The following ARFGEF1 variants were observed in gnomAD, a reference collection of about 807,000 sequenced individuals.
ARFGEF1 encodes the protein brefeldin A-inhibited guanine nucleotide-exchange protein 1.
A neutral mutation model predicts 231.0 loss-of-function variants in ARFGEF1; 42 were observed. The observed-to-expected ratio is 0.18, with a 90% CI of 0.14 to 0.24. The LOEUF is 0.24. ARFGEF1 is among the 10% of genes least tolerant of loss of function. ARFGEF1 has a pLI of 1.00. For missense variants in ARFGEF1, 1,345 were observed against 2,192.0 expected, an observed-to-expected ratio of 0.61 and a Z score of 7.72; for synonymous variants, 710 against 732.3, an observed-to-expected ratio of 0.97 and a Z score of 0.49.
rs1388444328 is a variant in ARFGEF1, at chr8:67,240,374, TG to T, written c.2851-85del. 5 of 1,271,914 alleles carry T rather than the reference TG, an allele frequency of 3.9e-6. No homozygotes were observed. In the African/African-American group the frequency reaches 7.6e-5, roughly 19 times the overall value. The allele number at this position is 1,271,914 out of a possible 1,614,324, so 78.8% of individuals were successfully genotyped here. ...CAAATCTTTTAGACAATACAAGTTCTGAAAAAAAGAAATGAAATTCTTGGCA... is the reference window on the plus strand; with the variant it reads ...CAAATCTTTTAGACAATACAAGTTCTAAAAAAAGAAATGAAATTCTTGGCA... On this transcript the variant is annotated intron_variant, in intron 19 of 38. Transcript: ENST00000262215.
chr8:67,330,396 A>G (rs1178389559), intron 1 of ARFGEF1, among the ~76,000 whole-genome samples: 4 of 152,158 alleles, frequency 2.6e-5, no homozygotes, highest in Non-Finnish European at 5.9e-5. Context: ...GGAATCTTCT[A>G]TAACAGTCAT....
rs77605771 is a variant in ARFGEF1, at chr8:67,209,023, T to G, written c.4819+2460A>C. Among the ~76,000 whole-genome samples, 388 of 152,340 alleles carry G rather than the reference T, an allele frequency of 2.5e-3. 2 individuals carry two copies. Among genetic ancestry groups the G allele is most frequent in the South Asian group, 4.6e-3 (22 of 4,828 alleles). The stretch of plus-strand genomic sequence containing the variant: ...GGTGCAGCCACTGGCTATAGAAAAT[T>G]GCTTGGTGGTTCCTCAAGAAGTTAA... On this transcript the variant is annotated intron_variant, in intron 34 of 38. Coordinates refer to ENST00000262215, the MANE Select transcript of ARFGEF1 (RefSeq NM_006421.5).
In ARFGEF1 at chr8:67,226,108, G is replaced by A. The variant is rs767341513; in HGVS notation, c.3992C>T (p.Ala1331Val). 1.6e-5 allele frequency: 26 copies of A among 1,612,726 alleles called. No individual in the cohort carries two copies. Among genetic ancestry groups the A allele is most frequent in the Admixed American group, 3.3e-5 (2 of 59,848 alleles). ...QDAVKCLSEF[A>V]CNAAFPDTSM... ...TGTGTCTGGGAAAGCTGCATTGCAC[G>A]CAAATTCAGACAAACACTTCACTGC... The change falls in exon 28 of 39, where the codon GCG (alanine) becomes GTG (valine). Residue 1331 changes from alanine (A) to valine (V), a missense_variant. Around this residue, in one of 14 missense-constraint regions of ARFGEF1, gnomAD observed 142 missense variants for 227.3 expected, o/e 0.62. Coordinates refer to ENST00000262215, the MANE Select transcript of ARFGEF1 (RefSeq NM_006421.5).
intron 1 of ARFGEF1, among the ~76,000 whole-genome samples, chr8:67,303,400 C>T (rs1273290487): frequency 3.3e-5 from 5 of 152,100 alleles, no homozygotes; most frequent in African/African-American, 1.2e-4. Context: ...ACAAATCCTA[C>T]CCGTAATAGA....
At chr8:67,212,057 C>T (rs1251452817) in intron 33 of ARFGEF1, among the ~76,000 whole-genome samples, 1 of 152,140 alleles carries the variant, frequency 6.6e-6, no homozygotes, top group Admixed American at 6.5e-5. Context: ...AACAGACCTA[C>T]ACAAGAATTA....
intron 23 of ARFGEF1, 130 bp downstream of exon 23, chr8:67,232,725 T>G (rs1209455715): frequency 1.5e-6 from 1 of 687,496 alleles, no homozygotes; most frequent in African/African-American, 1.9e-5. Flanking sequence ...AATCACAGCA[T>G]ATCACAATAT....
At chr8:67,301,030 T>C (rs563589215) in intron 3 of ARFGEF1, among the ~76,000 whole-genome samples, 194 bp downstream of exon 3, 27 of 152,348 alleles carry the variant, frequency 1.8e-4, no homozygotes, top group African/African-American at 5.8e-4. Context: ...AAGTTAATGA[T>C]TGTTAGTATT....
chr8:67,253,117 T>TG (rs1336066220), intron 18 of ARFGEF1, among the ~76,000 whole-genome samples: 1 of 152,190 alleles, frequency 6.6e-6, no homozygotes, highest in Non-Finnish European at 1.5e-5. Flanking sequence ...CTTCAGAATG[T>TG]GGGGAAAAAA....
In ARFGEF1 at chr8:67,343,533, C is replaced by T. The variant is rs1464228696; in HGVS notation, c.-246G>A. ...ACCTCGAGGGCCGCGCCCGTCGGGC[C>T]TCCGCTTCTCCCGGCCCGGGGGTCG... On this transcript the variant is annotated 5_prime_UTR_variant, in exon 1 of 39. Transcript: ENST00000262215. 1.7e-6 allele frequency: 2 copies of T among 1,168,382 alleles called. No homozygotes were observed. Among genetic ancestry groups the T allele is most frequent in the Admixed American group, 4.5e-5 (1 of 22,238 alleles). 72.4% of individuals were successfully genotyped at this position (1,168,382 alleles called of 1,614,324 possible).
intron 5 of ARFGEF1, among the ~76,000 whole-genome samples, chr8:67,294,736 T>C (rs1261607761): frequency 1.3e-5 from 2 of 152,168 alleles, no homozygotes; most frequent in Non-Finnish European, 2.9e-5. Context: ...CATACAGGTG[T>C]AGGAATTGAG....
intron 27 of ARFGEF1, among the ~76,000 whole-genome samples, chr8:67,226,396 A>G (rs1237042499): frequency 1.3e-5 from 2 of 152,088 alleles, no homozygotes; most frequent in African/African-American, 4.8e-5. Flanking sequence ...TTTACATTAT[A>G]AACATAGCAC....
At chr8:67,301,509 T>C in intron 2 of ARFGEF1, 129 bp from the exon 3 acceptor site, 5 of 1,019,418 alleles carry the variant, frequency 4.9e-6, no homozygotes, top group Non-Finnish European at 6.9e-6. Flanking sequence ...TTCCCATATT[T>C]CGAGAGGAAA....
intron 34 of ARFGEF1, 97 bp from the exon 35 acceptor site, chr8:67,204,916 T>C: frequency 7.1e-7 from 1 of 1,414,016 alleles, no homozygotes; most frequent in Non-Finnish European, 9.7e-7. Context: ...AACATCAATA[T>C]GTATTCACAT....
intron 30 of ARFGEF1, among the ~76,000 whole-genome samples, 184 bp downstream of exon 30, chr8:67,219,247 G>A (rs1409435509): frequency 2.6e-5 from 4 of 152,166 alleles, no homozygotes; most frequent in African/African-American, 7.2e-5. Flanking sequence ...GATTACAGGC[G>A]TGAGCCACTG....
chr8:67,335,940 G>A (rs910456590), intron 1 of ARFGEF1, among the ~76,000 whole-genome samples: 1 of 151,936 alleles, frequency 6.6e-6, no homozygotes, highest in African/African-American at 2.4e-5. Flanking sequence ...TAGTAGAGAC[G>A]GAGTTTCACT....
rs755259559 is a variant in ARFGEF1 at position 67,200,527 on chromosome 8, G to GGAA, written c.5268-15_5268-14insTTC. 1 of 1,509,422 alleles carries GGAA rather than the reference G, an allele frequency of 6.6e-7. No homozygotes were observed. Among genetic ancestry groups the GGAA allele is most frequent in the African/African-American group, 1.4e-5 (1 of 72,270 alleles). The allele number at this position is 1,509,422 out of a possible 1,614,324, so 93.5% of individuals were successfully genotyped here. A position where few individuals can be genotyped will look rare whatever the true frequency, so the allele number is the denominator to read the frequency against. On this transcript the variant is annotated splice_polypyrimidine_tract_variant and intron_variant, in intron 37 of 38. Coordinates refer to ENST00000262215, the MANE Select transcript of ARFGEF1 (RefSeq NM_006421.5). The stretch of plus-strand genomic sequence containing the variant: ...TCACTGCAGACACTGCAAAAGAAAA[G>GGAA]GTTTCCTTTAATGTTACTTGCGTAT...
intron 13 of ARFGEF1, 66 bp from the exon 14 acceptor site, chr8:67,266,273 C>A: frequency 7.6e-7 from 1 of 1,322,780 alleles, no homozygotes; most frequent in East Asian, 2.4e-5. Context: ...TAAGGGCAAA[C>A]AAATTCTTGA....
At chr8:67,224,844 G>C in intron 29 of ARFGEF1, 59 bp downstream of exon 29, 3 of 1,253,222 alleles carry the variant, frequency 2.4e-6, no homozygotes, top group Non-Finnish European at 2.1e-6. Flanking sequence ...ATAAAGAAGA[G>C]TTAATTTGAT....
At chr8:67,305,637 G>A (rs1048657084) in intron 1 of ARFGEF1, among the ~76,000 whole-genome samples, 5 of 152,104 alleles carry the variant, frequency 3.3e-5, no homozygotes, top group East Asian at 1.9e-4. Context: ...GTGAGCCACC[G>A]CGCCCGGCCT....
Sources: allele counts gnomAD v4.1 joint callset (sites outside exome capture counted in the v4.1 genomes callset), GRCh38; gene constraint gnomAD v4.1.1; regional missense constraint gnomAD v4.1.1; transcripts MANE v1.5; gene names NCBI Gene and HGNC (gene_info 2026-07-23, HGNC 2026-07-21).